Variants in ARHGAP44 observed in about 807,000 individuals in gnomAD.
ARHGAP44 encodes rho GTPase-activating protein 44.
ARHGAP44 carries 43 observed loss-of-function variants against 106.8 expected under a neutral mutation model. That is an observed-to-expected ratio of 0.40 (90% confidence interval 0.32 to 0.52). ARHGAP44 has a LOEUF of 0.52. Ranked by LOEUF, ARHGAP44 falls within the 20% of genes least tolerant of loss-of-function variation. The probability of loss-of-function intolerance (pLI) is 0.48; values close to 1 mark genes in which losing one functional copy is unlikely to be tolerated. For synonymous variants in ARHGAP44, 439 were observed against 410.3 expected (o/e 1.07, Z -0.85); for missense variants, 866 against 1,050.5 (o/e 0.82, Z 2.43).
At chr17:12,835,867 T>A (rs1225905191) in intron 1 of ARHGAP44, among the ~76,000 whole-genome samples, 1 of 152,200 alleles carries the variant, frequency 6.6e-6, no homozygotes, top group Non-Finnish European at 1.5e-5. Context: ...ACTACTTTAG[T>A]TACCCCATAT....
intron 16 of ARHGAP44, among the ~76,000 whole-genome samples, chr17:12,962,809 G>A (rs2039294393): frequency 1.3e-5 from 2 of 152,108 alleles, no homozygotes. Flanking sequence ...ACTTTGGGTG[G>A]CCGAGTTGGG....
rs922951919 is a variant in ARHGAP44 at position 12,875,133 on chromosome 17, G to T, written c.54-19807G>T. ...GGGTTGGTTAAAACACAGATTGCTT[G>T]ACCCCACTCCCAGAATTTCTGATTC... is the stretch of plus-strand genomic sequence containing the variant. On this transcript the variant is annotated intron_variant, in intron 1 of 20. Transcript: ENST00000379672. Among the ~76,000 whole-genome samples the T allele has an allele frequency of 2.6e-5, 4 of 152,144 alleles. No individual in the cohort carries two copies. In the South Asian group the frequency reaches 8.3e-4, roughly 32 times the overall value.
At position 12,825,416 on chromosome 17, in the gene ARHGAP44, T is replaced by TTGTGTGTGTG. The variant is rs35243771; in HGVS notation, c.53+35540_53+35549dup. On this transcript the variant is annotated intron_variant, in intron 1 of 20. Coordinates refer to ENST00000379672, the MANE Select transcript of ARHGAP44 (RefSeq NM_014859.6). ...GAAACAGAACCAATAAGGAGTGTGT[T>TTGTGTGTGTG]TGTGTGTGTGTGTGTGTGTGTGTGC... 8.8e-4 allele frequency among the ~76,000 whole-genome samples: 130 copies of TTGTGTGTGTG among 148,188 alleles called. 1 individual carries two copies. Among genetic ancestry groups the TTGTGTGTGTG allele is most frequent in the African/African-American group, 2.8e-3 (115 of 40,660 alleles).
chr17:12,916,875 C>T (rs568094220), intron 5 of ARHGAP44, among the ~76,000 whole-genome samples: 2 of 152,300 alleles, frequency 1.3e-5, no homozygotes, highest in South Asian at 4.1e-4. Flanking sequence ...GTTTTTAATT[C>T]GTCATCTGTT....
chr17:12,859,903 A>G (rs1255014667), intron 1 of ARHGAP44, among the ~76,000 whole-genome samples: 1 of 152,194 alleles, frequency 6.6e-6, no homozygotes, highest in Non-Finnish European at 1.5e-5. Context: ...CACGTGGCAG[A>G]AGTTCACTGT....
chr17:12,935,065 G>T (rs2038506804), intron 7 of ARHGAP44, among the ~76,000 whole-genome samples: 1 of 152,104 alleles, frequency 6.6e-6, no homozygotes, highest in African/African-American at 2.4e-5. Context: ...ATTTATATCG[G>T]ACAGAACTTA....
At chr17:12,937,386 T>A (rs2038578426) in intron 7 of ARHGAP44, among the ~76,000 whole-genome samples, 1 of 152,210 alleles carries the variant, frequency 6.6e-6, no homozygotes, top group Non-Finnish European at 1.5e-5. Context: ...TTAGAGCTCC[T>A]AGAGGTAAAA....
intron 1 of ARHGAP44, among the ~76,000 whole-genome samples, chr17:12,827,783 C>A (rs2034963905): frequency 6.6e-6 from 1 of 151,838 alleles, no homozygotes; most frequent in African/African-American, 2.4e-5. Flanking sequence ...TAGTAACAAC[C>A]TTGATGAAGT....
intron 19 of ARHGAP44, among the ~76,000 whole-genome samples, chr17:12,981,489 C>T (rs1008084537): frequency 6.6e-6 from 1 of 151,916 alleles, no homozygotes; most frequent in African/African-American, 2.4e-5. Context: ...CCTCCGCCTC[C>T]TGGGTTCAAG....
intron 1 of ARHGAP44, among the ~76,000 whole-genome samples, chr17:12,844,209 C>T (rs1296190827): frequency 6.6e-6 from 1 of 152,014 alleles, no homozygotes; most frequent in Non-Finnish European, 1.5e-5. Flanking sequence ...GACAGAATAC[C>T]AGAGACCGGG....
intron 1 of ARHGAP44, among the ~76,000 whole-genome samples, chr17:12,857,208 G>T (rs2035936442): frequency 6.6e-6 from 1 of 152,116 alleles, no homozygotes; most frequent in Non-Finnish European, 1.5e-5. Flanking sequence ...TCCTGCTTAG[G>T]CCGAAGTGGC....
intron 20 of ARHGAP44, chr17:12,988,946 AATT>A (rs1269299262): frequency 6.7e-6 from 1 of 149,558 alleles, no homozygotes; most frequent in Non-Finnish European, 1.5e-5. Flanking sequence ...AAAAAAAAAA[AATT>A]AGCCGGGCAT....
chr17:12,916,051 AGGTACC>A, intron 5 of ARHGAP44, 40 bp downstream of exon 5: 1 of 1,537,828 alleles, frequency 6.5e-7, no homozygotes, highest in Non-Finnish European at 9.0e-7. Flanking sequence ...AAGAGCAAGG[AGGTACC>A]GAACAGGAGC....
chr17:12,882,642 C>T (rs991765927), intron 1 of ARHGAP44, among the ~76,000 whole-genome samples: 2 of 152,044 alleles, frequency 1.3e-5, no homozygotes, highest in African/African-American at 4.8e-5. Context: ...TTATATTTTT[C>T]ATCAACAGAC....
chr17:12,983,868 A>G (rs371602466), intron 19 of ARHGAP44, among the ~76,000 whole-genome samples: 231 of 152,320 alleles, frequency 1.5e-3, no homozygotes, highest in African/African-American at 5.0e-3. Context: ...CGATCCATAC[A>G]TGCTTAGACC....
intron 1 of ARHGAP44, among the ~76,000 whole-genome samples, chr17:12,826,979 C>G (rs958393015): frequency 3.3e-5 from 5 of 152,150 alleles, no homozygotes; most frequent in African/African-American, 1.2e-4. Flanking sequence ...TTAAGCTTCT[C>G]CCTACCTCCC....
intron 16 of ARHGAP44, among the ~76,000 whole-genome samples, chr17:12,969,509 A>G (rs906865658): frequency 3.3e-5 from 5 of 152,206 alleles, no homozygotes. Flanking sequence ...CCTCCATATT[A>G]TAGAGTTAGT....
intron 1 of ARHGAP44, among the ~76,000 whole-genome samples, chr17:12,804,209 G>C (rs2034204827): frequency 6.6e-6 from 1 of 152,208 alleles, no homozygotes; most frequent in Admixed American, 6.5e-5. Context: ...CAAAGAAGCA[G>C]CCCAAGTGGT....
At chr17:12,847,027 G>A (rs2035588495) in intron 1 of ARHGAP44, among the ~76,000 whole-genome samples, 1 of 152,174 alleles carries the variant, frequency 6.6e-6, no homozygotes, top group South Asian at 2.1e-4. Flanking sequence ...GGCAGCTTGG[G>A]TTAACTGTGT....
Sources: gnomAD v4.1 joint callset for allele counts (sites outside exome capture counted in the v4.1 genomes callset) on GRCh38, gnomAD v4.1.1 for gene constraint, MANE v1.5 for transcripts, NCBI Gene and HGNC (gene_info 2026-07-23, HGNC 2026-07-21) for gene names.